SRRM4: variants seen among roughly 807,000 people sequenced by gnomAD.
SRRM4 encodes serine/arginine repetitive matrix 4.
SRRM4 carries 33 observed loss-of-function variants against 68.9 expected under a neutral mutation model. That is an observed-to-expected ratio of 0.48 (90% CI 0.36 to 0.64). The LOEUF (loss-of-function observed/expected upper bound fraction) is 0.64. Among genes scored for constraint, SRRM4 ranks in the 30% least tolerant of loss-of-function variants. The pLI is 0.00. For synonymous variants in SRRM4, 318 were observed against 318.8 expected (o/e 1.00, Z 0.03); for missense variants, 817 against 827.1 (o/e 0.99, Z 0.15).
intron 1 of SRRM4, chr12:119,030,955 T>C (rs1953585556): frequency 6.6e-6 from 1 of 152,256 alleles, no homozygotes; most frequent in Non-Finnish European, 1.5e-5. Flanking sequence ...TGTGTTTAGA[T>C]CTTTGCACAC....
At chr12:119,026,321 C>T (rs1953548083) in intron 1 of SRRM4, among the ~76,000 whole-genome samples, 1 of 151,788 alleles carries the variant, frequency 6.6e-6, no homozygotes, top group Non-Finnish European at 1.5e-5. Flanking sequence ...GACAGGATCA[C>T]ATAGAGAAAT....
chr12:119,096,634 G>A (rs1954046889), intron 1 of SRRM4, among the ~76,000 whole-genome samples: 1 of 152,206 alleles, frequency 6.6e-6, no homozygotes, highest in Admixed American at 6.5e-5. Flanking sequence ...TTTGCCTTGG[G>A]CAAGTCCCCT....
At chr12:119,047,403 G>C (rs991447984) in intron 1 of SRRM4, among the ~76,000 whole-genome samples, 4 of 151,986 alleles carry the variant, frequency 2.6e-5, no homozygotes, top group African/African-American at 7.3e-5. Context: ...TTCTTTAGTA[G>C]TGATTTCCGA....
intron 1 of SRRM4, among the ~76,000 whole-genome samples, chr12:119,075,251 ATTG>A (rs1315629368): frequency 6.6e-6 from 1 of 152,254 alleles, no homozygotes; most frequent in Non-Finnish European, 1.5e-5. Context: ...TGTGCCAGAT[ATTG>A]TTTCTTCTTA....
At chr12:119,076,918 A>T (rs1818815935) in intron 1 of SRRM4, among the ~76,000 whole-genome samples, 1 of 148,812 alleles carries the variant, frequency 6.7e-6, no homozygotes, top group African/African-American at 2.5e-5. Context: ...TTGGTAAAGC[A>T]CTGGGAAATG....
chr12:119,010,848 G>C (rs890454749), intron 1 of SRRM4, among the ~76,000 whole-genome samples: 2 of 152,096 alleles, frequency 1.3e-5, no homozygotes, highest in African/African-American at 4.8e-5. Flanking sequence ...CAATACAACA[G>C]TTGAAAAAAT....
intron 8 of SRRM4, among the ~76,000 whole-genome samples, chr12:119,138,957 C>T (rs1441622141): frequency 6.6e-6 from 1 of 152,034 alleles, no homozygotes; most frequent in Non-Finnish European, 1.5e-5. Context: ...AAAAGGGGGT[C>T]CTGGGTACCT....
At chr12:119,090,727 A>G (rs1954009557) in intron 1 of SRRM4, among the ~76,000 whole-genome samples, 1 of 152,176 alleles carries the variant, frequency 6.6e-6, no homozygotes, top group Admixed American at 6.5e-5. Flanking sequence ...CCCTGAGTGT[A>G]GCACTCGCCC....
intron 1 of SRRM4, among the ~76,000 whole-genome samples, chr12:119,020,127 C>G (rs968796600): frequency 1.4e-4 from 22 of 151,928 alleles, no homozygotes; most frequent in Non-Finnish European, 2.8e-4. Context: ...CATCCTCGTG[C>G]GCATCAAAAA....
chr12:118,994,595 G>A (rs1329715052), intron 1 of SRRM4, among the ~76,000 whole-genome samples: 3 of 152,182 alleles, frequency 2.0e-5, no homozygotes, highest in South Asian at 2.1e-4. Flanking sequence ...CAGTTCTGAC[G>A]CATGCCAAGG....
Position 118,982,680 on chromosome 12 carries a change from T to TA in SRRM4, c.131+667_131+668insA, listed in dbSNP as rs1491566744. Among the ~76,000 whole-genome samples the TA allele has an allele frequency of 4.8e-5, 6 of 123,778 alleles. No individual in the cohort carries two copies. In the East Asian group the frequency reaches 1.3e-3, roughly 28 times the overall value. 81.2% of individuals were successfully genotyped at this position (123,778 alleles called of 152,430 possible). ...AAGAGTTTTATTTTGTTTTTTTTTG[T>TA]TTTTTTTTTTTTTTTCCAAAAAGAA... is the stretch of plus-strand genomic sequence containing the variant. On this transcript the variant is annotated intron_variant, in intron 1 of 12. Coordinates refer to ENST00000267260, the MANE Select transcript of SRRM4 (RefSeq NM_194286.4).
intron 1 of SRRM4, among the ~76,000 whole-genome samples, chr12:118,982,674 T>TTG (rs148026327): frequency 0.15 from 17,826 of 121,574 alleles, 1,244 homozygotes; most frequent in East Asian, 0.17. Flanking sequence ...ATTTTGTTTT[T>TTG]TTTTGTTTTT....
At chr12:119,000,105 C>CCCTGTACTACACTATATTT (rs1185353123) in intron 1 of SRRM4, among the ~76,000 whole-genome samples, 2 of 152,112 alleles carry the variant, frequency 1.3e-5, no homozygotes, top group Non-Finnish European at 2.9e-5. Flanking sequence ...GCAAAGTAAC[C>CCCTGTACTACACTATATTT]CCTGTACTAC....
intron 3 of SRRM4, among the ~76,000 whole-genome samples, chr12:119,116,663 G>A (rs1954181884): frequency 6.6e-6 from 1 of 152,178 alleles, no homozygotes; most frequent in South Asian, 2.1e-4. Context: ...CCTAAGAAGT[G>A]TGTGAAAGGA....
intron 1 of SRRM4, among the ~76,000 whole-genome samples, chr12:119,055,777 G>A (rs533066990): frequency 1.3e-5 from 2 of 152,210 alleles, no homozygotes; most frequent in Non-Finnish European, 2.9e-5. Context: ...TAACCTCTCT[G>A]AACTTCAGTT....
chr12:119,008,726 T>C (rs1953430642), intron 1 of SRRM4, among the ~76,000 whole-genome samples: 1 of 152,254 alleles, frequency 6.6e-6, no homozygotes, highest in South Asian at 2.1e-4. Flanking sequence ...GGTCTGCCCT[T>C]GAAACCCCTC....
chr12:119,120,178 T>C, intron 4 of SRRM4, 72 bp from the exon 5 acceptor site: 1 of 1,039,700 alleles, frequency 9.6e-7, no homozygotes, highest in Non-Finnish European at 1.4e-6. Flanking sequence ...CATCTCTCTC[T>C]CTCTCCCTCT....
At chr12:119,079,865 C>T (rs1016075822) in intron 1 of SRRM4, among the ~76,000 whole-genome samples, 15 of 144,268 alleles carry the variant, frequency 1.0e-4, no homozygotes, top group South Asian at 2.2e-4. Context: ...TATACAAGGC[C>T]GTATATGAAA....
intron 1 of SRRM4, among the ~76,000 whole-genome samples, chr12:119,058,478 C>G (rs142444579): frequency 6.6e-6 from 1 of 152,298 alleles, no homozygotes; most frequent in East Asian, 1.9e-4. Context: ...ATAGCTTTCT[C>G]ATTTTACTCA....
Sources: gnomAD v4.1 joint callset for allele counts (sites outside exome capture counted in the v4.1 genomes callset) on GRCh38, gnomAD v4.1.1 for gene constraint, MANE v1.5 for transcripts, NCBI Gene and HGNC (gene_info 2026-07-23, HGNC 2026-07-21) for gene names.